The following SHANK2 variants were observed in gnomAD, a reference collection of about 807,000 sequenced individuals.
SHANK2 encodes SH3 and multiple ankyrin repeat domains 2, also known as SH3 and multiple ankyrin repeat domains protein 2.
A neutral mutation model predicts 133.7 loss-of-function variants in SHANK2; 43 were observed. The ratio of observed to expected loss-of-function variants is 0.32; its 90% CI spans 0.25 to 0.41. The LOEUF (loss-of-function observed/expected upper bound fraction) is 0.41. SHANK2 is among the 10% of genes least tolerant of loss of function. The pLI, the probability that SHANK2 is intolerant of heterozygous loss-of-function variation, is 1.00. For missense variants in SHANK2, 1,994 were observed against 2,235.8 expected (o/e 0.89, Z 2.18); for synonymous variants, 1,017 against 952.8 (o/e 1.07, Z -1.24).
At chr11:70,502,730 T>TGGGGGGGGGGGGGG in intron 18 of SHANK2, 66 bp downstream of exon 18, 39 of 772,430 alleles carry the variant, frequency 5.0e-5, no homozygotes, top group East Asian at 1.1e-4. Context: ...CCAGCTGTCC[T>TGGGGGGGGGGGGGG]GCCCGCCCCC....
At chr11:70,916,464 C>T (rs1188747320) in intron 10 of SHANK2, among the ~76,000 whole-genome samples, 2 of 152,160 alleles carry the variant, frequency 1.3e-5, no homozygotes, top group East Asian at 3.9e-4. Context: ...AGCAGAAAAG[C>T]TAAATCCTAG....
intron 17 of SHANK2, chr11:70,633,816 G>T (rs537559288): frequency 6.6e-6 from 1 of 152,352 alleles, no homozygotes; most frequent in South Asian, 2.1e-4. Flanking sequence ...CTCCTGGGGA[G>T]ATGGGGTGTG....
intron 11 of SHANK2, among the ~76,000 whole-genome samples, chr11:70,872,645 C>A (rs1047162061): frequency 1.3e-5 from 2 of 152,130 alleles, no homozygotes; most frequent in Admixed American, 1.3e-4. Flanking sequence ...CCGTGAGCTA[C>A]GTGGAATGAG....
At chr11:71,133,327 T>G in intron 3 of SHANK2, among the ~76,000 whole-genome samples, 2 of 116,576 alleles carry the variant, frequency 1.7e-5, no homozygotes, top group African/African-American at 3.0e-5. Flanking sequence ...GCTGGGTAGG[T>G]GGGTGGCTGG....
intron 10 of SHANK2, among the ~76,000 whole-genome samples, chr11:70,946,293 C>T (rs1418356446): frequency 6.7e-6 from 1 of 149,136 alleles, no homozygotes; most frequent in East Asian, 2.0e-4. Context: ...AACAACGCTT[C>T]CCAGGCTCAA....
chr11:70,879,738 C>T (rs1192033437), intron 11 of SHANK2, among the ~76,000 whole-genome samples: 2 of 152,196 alleles, frequency 1.3e-5, no homozygotes, highest in African/African-American at 2.4e-5. Context: ...TATGGAGGAT[C>T]GATGGGCTCT....
At chr11:70,869,845 C>A (rs1465959053) in intron 11 of SHANK2, among the ~76,000 whole-genome samples, 1 of 152,122 alleles carries the variant, frequency 6.6e-6, no homozygotes, top group Non-Finnish European at 1.5e-5. Flanking sequence ...GGTGCTCAGT[C>A]GCCGCTGGGT....
At chr11:71,194,810 T>C (rs1953865999) in intron 2 of SHANK2, among the ~76,000 whole-genome samples, 1 of 152,194 alleles carries the variant, frequency 6.6e-6, no homozygotes, top group African/African-American at 2.4e-5. Flanking sequence ...CCCAGCCCTC[T>C]GCAAATCACA....
intron 11 of SHANK2, among the ~76,000 whole-genome samples, chr11:70,873,403 G>A (rs1555070595): frequency 6.6e-6 from 1 of 152,202 alleles, no homozygotes; most frequent in Admixed American, 6.5e-5. Context: ...AGGCAAACAG[G>A]AAATGGGAAA....
chr11:70,880,846 C>T (rs1408628219), intron 11 of SHANK2, among the ~76,000 whole-genome samples: 2 of 152,216 alleles, frequency 1.3e-5, no homozygotes, highest in Non-Finnish European at 2.9e-5. Flanking sequence ...GCTCCCAGGG[C>T]CATCAGCCAC....
chr11:70,728,244 G>A (rs559913188), intron 14 of SHANK2, among the ~76,000 whole-genome samples: 2 of 152,342 alleles, frequency 1.3e-5, no homozygotes, highest in East Asian at 1.9e-4. Context: ...AAATGAGAGT[G>A]TCCCACACCT....
rs1015234089 is a variant in SHANK2, at chr11:70,485,318, G to C, written c.4975C>G (p.Pro1659Ala). ...PMGAKSASLA[P>A]RSPEIMSTIS... ...GTGCACCAACCGCGGACTTACCTTG[G>C]AGCGAGGCTGGCGGACTTGGCTCCC... is the stretch of plus-strand genomic sequence containing the variant. Residue 1659 changes from proline to alanine, a missense_variant, in exon 25 of 26, where the codon CCA (proline) becomes GCA (alanine). Pro to Ala is a conservative substitution (Grantham distance 27). Coordinates refer to ENST00000601538, the MANE Select transcript of SHANK2 (RefSeq NM_012309.5). The surrounding 1 kb of genome is among the most constrained non-coding windows in gnomAD (Gnocchi z 5.8). 1.2e-6 allele frequency: 2 copies of C among 1,613,816 alleles called. No individual in the cohort carries two copies. The highest frequency in any genetic ancestry group is 1.7e-6 in the Non-Finnish European group (2 of 1,179,994).
chr11:70,702,786 G>A (rs1555024066), intron 14 of SHANK2, among the ~76,000 whole-genome samples: 1 of 152,220 alleles, frequency 6.6e-6, no homozygotes, highest in East Asian at 1.9e-4. Context: ...AGAAGTAGCA[G>A]AGTGCAATGA....
chr11:71,132,567 T>A (rs1179632121), intron 3 of SHANK2, among the ~76,000 whole-genome samples: 2 of 152,222 alleles, frequency 1.3e-5, no homozygotes. Flanking sequence ...AGACGTTTTA[T>A]GTGCAGGCTA....
At chr11:70,730,786 G>A (rs188917422) in intron 14 of SHANK2, among the ~76,000 whole-genome samples, 69 of 150,666 alleles carry the variant, frequency 4.6e-4, no homozygotes, top group African/African-American at 1.6e-3. Flanking sequence ...CCAAAGTGGC[G>A]TCTGCTCACT....
intron 17 of SHANK2, among the ~76,000 whole-genome samples, chr11:70,547,013 T>G (rs947495818): frequency 6.6e-6 from 1 of 151,864 alleles, no homozygotes; most frequent in Non-Finnish European, 1.5e-5. Flanking sequence ...CACCCCCACC[T>G]GGGATGTCTG....
chr11:70,481,948 G>A (rs2058738551), intron 25 of SHANK2, among the ~76,000 whole-genome samples: 1 of 88,404 alleles, frequency 1.1e-5, no homozygotes, highest in Non-Finnish European at 2.3e-5. Flanking sequence ...CTGGTGCCCT[G>A]GCAACTCCGT....
chr11:71,095,053 C>G lies in SHANK2; in HGVS notation c.593-365G>C, dbSNP rs907419333. ...GTACAGAAGGAGTGACGGACTAAAG[C>G]CCTCATTAGAGATGGGAAAGGCAGA... On this transcript the variant is annotated intron_variant, in intron 6 of 25. Transcript: ENST00000601538. Among the ~76,000 whole-genome samples, 162 of 152,342 alleles carry G rather than the reference C, an allele frequency of 1.1e-3. 1 individual carries two copies. The highest frequency in any genetic ancestry group is 3.8e-3 in the African/African-American group (157 of 41,580).
At chr11:71,198,424 G>C (rs1953952477) in intron 2 of SHANK2, among the ~76,000 whole-genome samples, 1 of 152,198 alleles carries the variant, frequency 6.6e-6, no homozygotes, top group African/African-American at 2.4e-5. Flanking sequence ...GCTGAGGAAG[G>C]CTCATGCCAT....
Sources: gnomAD v4.1 joint callset for allele counts (sites outside exome capture counted in the v4.1 genomes callset) on GRCh38, gnomAD v4.1.1 for gene constraint, Gnocchi (gnomAD v3.1) non-coding constraint, MANE v1.5 for transcripts, NCBI Gene and HGNC (gene_info 2026-07-23, HGNC 2026-07-21) for gene names.